The following POMT1 variants were observed in gnomAD, a reference collection of about 807,000 sequenced individuals.
POMT1 encodes the protein protein O-mannosyl-transferase 1.
POMT1 carries 85 observed loss-of-function variants against 101.6 expected under a neutral mutation model. The observed-to-expected ratio is 0.84, with a 90% CI of 0.70 to 1.00. POMT1 has a LOEUF of 1.00. Ranked by LOEUF, POMT1 falls within the 50% of genes least tolerant of loss-of-function variation. The probability of loss-of-function intolerance (pLI) is 0.00; values close to 1 mark genes in which losing one functional copy is unlikely to be tolerated. For synonymous variants in POMT1, 371 were observed against 383.0 expected, an observed-to-expected ratio of 0.97 and a Z score of 0.37; for missense variants, 857 against 930.4, an observed-to-expected ratio of 0.92 and a Z score of 1.03.
At chr9:131,513,431 G>C (rs991044258) in intron 12 of POMT1, 100 bp downstream of exon 12, 12 of 1,075,790 alleles carry the variant, frequency 1.1e-5, no homozygotes, top group East Asian at 2.6e-5. Context: ...GCTGCCCCCT[G>C]TCTACCCATC....
rs1949171429 is a variant in POMT1, at chr9:131,518,321, A to G, written c.1273-124A>G. ...GTACCAGCCCCTTATAGCTTCCCTC[A>G]CTTGGGGACTTGTCCCTTTGTCTCA... On this transcript the variant is annotated intron_variant, in intron 13 of 19. Transcript: ENST00000402686. 3 of 882,624 alleles carry G rather than the reference A, an allele frequency of 3.4e-6. No individual in the cohort carries two copies. In the African/African-American group the frequency reaches 4.9e-5, roughly 15 times the overall value. 54.7% of individuals were successfully genotyped at this position (882,624 alleles called of 1,614,324 possible). A position where few individuals can be genotyped will look rare whatever the true frequency, so the allele number is the denominator to read the frequency against.
intron 2 of POMT1, 63 bp from the exon 3 acceptor site, chr9:131,506,051 C>T: frequency 1.2e-6 from 2 of 1,601,832 alleles, no homozygotes; most frequent in Non-Finnish European, 1.7e-6. Context: ...TTTATCCTCA[C>T]AGTTTTTGTT....
intron 17 of POMT1, 170 bp from the exon 18 acceptor site, chr9:131,521,173 TAGG>T (rs1233504714): frequency 3.6e-6 from 3 of 843,026 alleles, no homozygotes; most frequent in Non-Finnish European, 5.8e-6. Context: ...AAGGTCTGAG[TAGG>T]AGCAGACCTG....
intron 10 of POMT1, 67 bp from the exon 11 acceptor site, chr9:131,511,974 G>A (rs563004485): frequency 2.5e-4 from 399 of 1,567,570 alleles, no homozygotes; most frequent in Non-Finnish European, 3.4e-4. Flanking sequence ...GCCTCCCAAA[G>A]TGCTCTGATT....
intron 13 of POMT1, among the ~76,000 whole-genome samples, chr9:131,515,864 G>A (rs1335379419): frequency 1.0e-5 from 1 of 98,278 alleles, no homozygotes; most frequent in Non-Finnish European, 2.4e-5. Context: ...CTCACAGGGA[G>A]CACTTTCTCT....
chr9:131,514,815 G>T (rs1329565652), intron 12 of POMT1, among the ~76,000 whole-genome samples: 1 of 152,202 alleles, frequency 6.6e-6, no homozygotes. Context: ...AATTAGCCAG[G>T]CATGGTGGCA....
chr9:131,506,605 TAAATTGGTTGGATAC>T, intron 4 of POMT1, 152 bp downstream of exon 4: 1 of 760,710 alleles, frequency 1.3e-6, no homozygotes, highest in East Asian at 2.5e-5. Flanking sequence ...CAGAAAATAA[TAAATTGGTTGGATAC>T]AAATGAAAGA....
At chr9:131,508,387 T>C (rs1242071506) in intron 5 of POMT1, among the ~76,000 whole-genome samples, 1 of 151,828 alleles carries the variant, frequency 6.6e-6, no homozygotes, top group Non-Finnish European at 1.5e-5. Flanking sequence ...AAAAATTAGC[T>C]GGGCATGGTG....
chr9:131,503,754 A>G lies in POMT1; in HGVS notation c.-30-435A>G, dbSNP rs1945102678. 6.6e-6 allele frequency among the ~76,000 whole-genome samples: 1 copy of G among 152,070 alleles called. No individual in the cohort carries two copies. Among genetic ancestry groups the G allele is most frequent in the Admixed American group, 6.5e-5 (1 of 15,270 alleles). On this transcript the variant is annotated intron_variant, in intron 1 of 19. Coordinates refer to ENST00000402686, the MANE Select transcript of POMT1 (RefSeq NM_001077365.2). This position sits in a 1 kb window ranked among gnomAD's most constrained non-coding sequence, Gnocchi z 4.4. ...GGGGCAGATGCATCCTTGAGGAGAG[A>G]TGAGGAGGCCCCGAGGCTCGGCCAG...
At position 131,509,952 on chromosome 9, in the gene POMT1, G is replaced by T. The variant is rs1227087176; in HGVS notation, c.655G>T (p.Ala219Ser). The change falls in exon 8 of 20, where the codon GCT (alanine) becomes TCT (serine). Residue 219 changes from alanine (A) to serine (S), a missense_variant. Ala to Ser is a moderately conservative substitution (Grantham distance 99). Transcript: ENST00000402686. ...GTACGTGCTCGTGCTGGGTGTTGCA[G>T]CTGTCCATGCCTGGCACCTGCTTGG... ...FTYVLVLGVA[A>S]VHAWHLLGDQ... The T allele has an allele frequency of 6.2e-7, 1 of 1,614,228 alleles. No homozygotes were observed. The highest frequency in any genetic ancestry group is 8.5e-7 in the Non-Finnish European group (1 of 1,180,044).
chr9:131,514,294 C>G (rs1029058458), intron 12 of POMT1, among the ~76,000 whole-genome samples: 1 of 152,202 alleles, frequency 6.6e-6, no homozygotes, highest in African/African-American at 2.4e-5. Context: ...TCCCTGGTGA[C>G]CCTGACACAC....
rs746696167 is a variant in POMT1, at chr9:131,507,500, TG to T, written c.414del (p.Leu139Ter). On this transcript the variant is annotated frameshift_variant, in exon 5 of 20. Transcript: ENST00000402686. LOFTEE classifies it high-confidence loss of function. ...FSHCAAMGAA[L>X]LMLIENALIT... ...CATTGTGCCGCCATGGGAGCTGCTCTGTTGATGCTTATCGGTAAGACCTGCG... is the reference window on the plus strand; with the variant it reads ...CATTGTGCCGCCATGGGAGCTGCTCTTTGATGCTTATCGGTAAGACCTGCG... 2.0e-5 allele frequency: 32 copies of T among 1,614,198 alleles called. No individual in the cohort carries two copies. The highest frequency in any genetic ancestry group is 2.7e-5 in the Non-Finnish European group (32 of 1,180,024).
At chr9:131,513,043 C>T (rs1199377328) in intron 11 of POMT1, among the ~76,000 whole-genome samples, 196 bp from the exon 12 acceptor site, 2 of 152,224 alleles carry the variant, frequency 1.3e-5, no homozygotes, top group Non-Finnish European at 2.9e-5. Flanking sequence ...GAATCACATT[C>T]GGAAAATGAC....
Position 131,515,483 on chromosome 9 carries a change from C to A in POMT1, c.1233C>A (p.Asp411Glu), listed in dbSNP as rs11243406. Residue 411 changes from aspartate (D) to glutamate (E), a missense_variant, in exon 13 of 20, where the codon GAC becomes GAA. Asp to Glu is a conservative substitution (Grantham distance 45). Transcript: ENST00000402686. ...PHSQEVSCYIDYNISMPAQNL... is the reference protein window; with the variant it reads ...PHSQEVSCYIEYNISMPAQNL... ...CACAGGAGGTCTCCTGCTACATTGA[C>A]TATAACATCTCCATGCCCGCCCAGA... 0.05 allele frequency: 80,223 copies of A among 1,614,088 alleles called. 2,326 individuals carry two copies. The highest frequency in any genetic ancestry group is 0.06 in the Non-Finnish European group (70,426 of 1,179,908).
Position 131,523,235 on chromosome 9 carries a change from G to C in POMT1, c.*129G>C, listed in dbSNP as rs1019598150. 3 of 1,144,484 alleles carry C rather than the reference G, an allele frequency of 2.6e-6. No individual in the cohort carries two copies. In the African/African-American group the frequency reaches 4.6e-5, roughly 17 times the overall value. The allele number at this position is 1,144,484 out of a possible 1,614,324, so 70.9% of individuals were successfully genotyped here. A position where few individuals can be genotyped will look rare whatever the true frequency, so the allele number is the denominator to read the frequency against. On this transcript the variant is annotated 3_prime_UTR_variant, in exon 20 of 20. Transcript: ENST00000402686. ...CGGGCTGGGCTGAGCAGGGCCTCTA[G>C]TGGAACACATGGGGGTCTCATTGAA...
Position 131,509,101 on chromosome 9 carries a change from C to CTT in POMT1, c.539+85_539+86dup, listed in dbSNP as rs1225249411. On this transcript the variant is annotated intron_variant, in intron 6 of 19. Transcript: ENST00000402686. ...TTGTTGATCTGAGATGGTCCAGTACCTTTTTTTGTTTCGTTTTGTGAGACA... is the reference window on the plus strand; with the variant it reads ...TTGTTGATCTGAGATGGTCCAGTACCTTTTTTTTTGTTTCGTTTTGTGAGACA... The CTT allele has an allele frequency of 9.6e-6, 10 of 1,046,862 alleles. No individual in the cohort carries two copies. In the Admixed American group the frequency reaches 1.7e-4, roughly 18 times the overall value. The allele number at this position is 1,046,862 out of a possible 1,614,324, so 64.8% of individuals were successfully genotyped here.
chr9:131,517,347 C>T (rs1043646657), intron 13 of POMT1, among the ~76,000 whole-genome samples: 6 of 152,090 alleles, frequency 3.9e-5, no homozygotes, highest in Admixed American at 3.9e-4. Context: ...CCTCCCACCT[C>T]TGCCTCTTGG....
At position 131,522,216 on chromosome 9, in the gene POMT1, C is replaced by T. The variant is rs768108650; in HGVS notation, c.1995C>T (p.His665=). 4 of 1,613,562 alleles carry T rather than the reference C, an allele frequency of 2.5e-6. No individual in the cohort carries two copies. Among genetic ancestry groups the T allele is most frequent in the South Asian group, 1.1e-5 (1 of 91,092 alleles). Residue 665 remains histidine (H), a synonymous_variant, in exon 19 of 20, where the codon CAC becomes CAT. Coordinates refer to ENST00000402686, the MANE Select transcript of POMT1 (RefSeq NM_001077365.2). This position sits in a 1 kb window ranked among gnomAD's most constrained non-coding sequence, Gnocchi z 5.5. ...TGGTCCTGCAGCACATCAGCGACCA[C>T]CTGTGCAGGTACGGGGGCTGCGGAG... ...LPVVLQHISD[H]LCRSQLQRSI...
rs769341236 is a variant in POMT1, at chr9:131,522,198, G to A, written c.1977G>A (p.Leu659=). 1.2e-6 allele frequency: 2 copies of A among 1,613,956 alleles called. No individual in the cohort carries two copies. Among genetic ancestry groups the A allele is most frequent in the Admixed American group, 3.3e-5 (2 of 60,030 alleles). The part of the protein sequence containing the change: ...TFQILLLPVV[L]QHISDHLCRS... ...AAATCCTTCTGCTCCCTGTGGTCCT[G>A]CAGCACATCAGCGACCACCTGTGCA... The change falls in exon 19 of 20, where the codon CTG becomes CTA. Residue 659 remains leucine (L), a synonymous_variant. Transcript: ENST00000402686. The surrounding 1 kb of genome is among the most constrained non-coding windows in gnomAD (Gnocchi z 5.5).
Sources: gnomAD v4.1 joint callset for allele counts (sites outside exome capture counted in the v4.1 genomes callset) on GRCh38, gnomAD v4.1.1 for gene constraint, Gnocchi (gnomAD v3.1) non-coding constraint, MANE v1.5 for transcripts, NCBI Gene and HGNC (gene_info 2026-07-23, HGNC 2026-07-21) for gene names.